The following KLHL1 variants were observed in gnomAD, a reference collection of about 807,000 sequenced individuals.
The protein encoded by KLHL1 is kelch-like protein 1.
Under a neutral mutation model 77.7 loss-of-function variants are expected in KLHL1, and 47 were observed. The observed-to-expected ratio is 0.60, with a 90% confidence interval of 0.48 to 0.77. KLHL1 has a LOEUF of 0.77. Among genes scored for constraint, KLHL1 ranks in the 30% least tolerant of loss-of-function variants. The pLI is 0.00. For missense variants in KLHL1, 925 were observed against 910.8 expected, an observed-to-expected ratio of 1.02 and a Z score of -0.20; for synonymous variants, 360 against 325.2, an observed-to-expected ratio of 1.11 and a Z score of -1.15.
intron 1 of KLHL1, among the ~76,000 whole-genome samples, chr13:69,999,006 CTTCTT>C (rs1271614651): frequency 6.6e-6 from 1 of 152,040 alleles, no homozygotes; most frequent in Non-Finnish European, 1.5e-5. Context: ...GTCACTGACA[CTTCTT>C]TTCAACATAG....
intron 4 of KLHL1, among the ~76,000 whole-genome samples, chr13:69,938,884 A>G (rs1208210772): frequency 6.6e-6 from 1 of 152,112 alleles, no homozygotes; most frequent in African/African-American, 2.4e-5. Flanking sequence ...CAAAATGGCA[A>G]TCAGAATACT....
chr13:69,747,802 A>C (rs1396240856), intron 7 of KLHL1, among the ~76,000 whole-genome samples: 1 of 152,026 alleles, frequency 6.6e-6, no homozygotes, highest in Non-Finnish European at 1.5e-5. Flanking sequence ...ATTGAAACTT[A>C]GGAACACAAT....
At chr13:69,938,557 C>T (rs1043496497) in intron 4 of KLHL1, among the ~76,000 whole-genome samples, 4 of 151,970 alleles carry the variant, frequency 2.6e-5, no homozygotes, top group African/African-American at 9.7e-5. Context: ...ACCATTATCC[C>T]TCTGGATATG....
chr13:69,990,821 C>T (rs1376972257), intron 1 of KLHL1, among the ~76,000 whole-genome samples: 2 of 151,936 alleles, frequency 1.3e-5, no homozygotes, highest in African/African-American at 4.8e-5. Context: ...TAAACATCTC[C>T]AGAACTCTCC....
intron 5 of KLHL1, among the ~76,000 whole-genome samples, chr13:69,861,278 T>C (rs889598552): frequency 6.6e-6 from 1 of 152,132 alleles, no homozygotes; most frequent in Non-Finnish European, 1.5e-5. Flanking sequence ...TTTCTTTCCT[T>C]AGCCCTTCCC....
At chr13:69,809,903 T>C (rs1048289325) in intron 6 of KLHL1, among the ~76,000 whole-genome samples, 1 of 150,830 alleles carries the variant, frequency 6.6e-6, no homozygotes, top group African/African-American at 2.4e-5. Flanking sequence ...TCACTATTCG[T>C]TTATCAGATA....
chr13:70,010,371 A>T lies in KLHL1; in HGVS notation c.498-34569T>A, dbSNP rs559294941. Among the ~76,000 whole-genome samples, 231 of 148,786 alleles carry T rather than the reference A, an allele frequency of 1.6e-3. 1 individual carries two copies. The highest frequency in any genetic ancestry group is 5.0e-3 in the African/African-American group (204 of 40,414). On this transcript the variant is annotated intron_variant, in intron 1 of 10. Transcript: ENST00000377844. ...TGAAATCAGAGAAAGAAAAGGATTT[A>T]AAAAAAAAAGTTTGCTTTGGGGCAT...
chr13:70,086,597 AGAAAG>A (rs1486020272), intron 1 of KLHL1, among the ~76,000 whole-genome samples: 2,606 of 57,066 alleles, frequency 0.046, 200 homozygotes, highest in African/African-American at 0.13. Flanking sequence ...AAAAAAAGAA[AGAAAG>A]AAAGAAAGAA....
At chr13:69,947,558 A>C (rs1439069305) in intron 3 of KLHL1, among the ~76,000 whole-genome samples, 1 of 151,790 alleles carries the variant, frequency 6.6e-6, no homozygotes, top group East Asian at 1.9e-4. Flanking sequence ...TTATTTCCCC[A>C]AAAAAGAAAA....
At chr13:70,000,485 A>G (rs1315863766) in intron 1 of KLHL1, among the ~76,000 whole-genome samples, 1 of 152,038 alleles carries the variant, frequency 6.6e-6, no homozygotes, top group Non-Finnish European at 1.5e-5. Flanking sequence ...AGCCTGATTT[A>G]CTAAATATAT....
At chr13:69,712,753 GT>G (rs1247934776) in intron 9 of KLHL1, among the ~76,000 whole-genome samples, 3 of 55,302 alleles carry the variant, frequency 5.4e-5, no homozygotes, top group Admixed American at 2.3e-4. Flanking sequence ...AATTTTGTTT[GT>G]TTTTTGTTTT....
At chr13:69,732,888 A>G (rs1444192252) in intron 8 of KLHL1, among the ~76,000 whole-genome samples, 1 of 152,126 alleles carries the variant, frequency 6.6e-6, no homozygotes, top group African/African-American at 2.4e-5. Context: ...GCAGTGGCCC[A>G]AATAGCAGTT....
intron 3 of KLHL1, among the ~76,000 whole-genome samples, chr13:69,959,267 C>T (rs185202755): frequency 3.9e-5 from 6 of 152,110 alleles, no homozygotes; most frequent in Non-Finnish European, 8.8e-5. Context: ...AAATGCAAGA[C>T]TGCCAGACCA....
In KLHL1 at chr13:69,879,510, C is replaced by T. The variant is rs187924142; in HGVS notation, c.1227+2773G>A. 7.4e-4 allele frequency among the ~76,000 whole-genome samples: 113 copies of T among 152,070 alleles called. 1 individual carries two copies. The highest frequency in any genetic ancestry group is 6.4e-3 in the Admixed American group (98 of 15,268). ...ACACAAATCACTTAAAGATTATAAGCGACCTATATATTAATCATTCGAAAA... is the reference window on the plus strand; with the variant it reads ...ACACAAATCACTTAAAGATTATAAGTGACCTATATATTAATCATTCGAAAA... On this transcript the variant is annotated intron_variant, in intron 5 of 10. Transcript: ENST00000377844.
At chr13:69,794,267 A>G (rs1453277200) in intron 7 of KLHL1, among the ~76,000 whole-genome samples, 1 of 152,180 alleles carries the variant, frequency 6.6e-6, no homozygotes, top group Non-Finnish European at 1.5e-5. Context: ...CTTCATGCCC[A>G]GCTGTAATTC....
intron 1 of KLHL1, among the ~76,000 whole-genome samples, chr13:70,082,629 T>C (rs1416831800): frequency 6.6e-6 from 1 of 152,140 alleles, no homozygotes; most frequent in African/African-American, 2.4e-5. Flanking sequence ...CAATTTTTAT[T>C]TAAATACAGG....
At chr13:70,031,223 C>A (rs1196998817) in intron 1 of KLHL1, among the ~76,000 whole-genome samples, 1 of 152,098 alleles carries the variant, frequency 6.6e-6, no homozygotes, top group Non-Finnish European at 1.5e-5. Context: ...AGAAGCATCG[C>A]AAGGATCATT....
At chr13:70,006,044 C>T (rs367652094) in intron 1 of KLHL1, among the ~76,000 whole-genome samples, 2 of 152,108 alleles carry the variant, frequency 1.3e-5, no homozygotes, top group African/African-American at 2.4e-5. Context: ...TGGCAACCAC[C>T]ATTTCATTCT....
intron 1 of KLHL1, among the ~76,000 whole-genome samples, chr13:70,002,670 C>G (rs1469456878): frequency 6.6e-6 from 1 of 151,694 alleles, no homozygotes; most frequent in Non-Finnish European, 1.5e-5. Flanking sequence ...ATGTCAATGA[C>G]AAAAGCATAA....
Sources: gnomAD v4.1 joint callset for allele counts (sites outside exome capture counted in the v4.1 genomes callset) on GRCh38, gnomAD v4.1.1 for gene constraint, MANE v1.5 for transcripts, NCBI Gene and HGNC (gene_info 2026-07-23, HGNC 2026-07-21) for gene names.